Variants in ZDHHC13 observed in about 807,000 individuals in gnomAD.
ZDHHC13 encodes the protein palmitoyltransferase ZDHHC13.
Under a neutral mutation model 86.0 loss-of-function variants are expected in ZDHHC13, and 85 were observed. The observed-to-expected ratio is 0.99, with a 90% CI of 0.83 to 1.18. ZDHHC13 has a LOEUF of 1.18. ZDHHC13 is among the 50% of genes most tolerant of loss of function. ZDHHC13 has a pLI of 0.00. For synonymous variants in ZDHHC13, 263 were observed against 246.4 expected (o/e 1.07, Z -0.63); for missense variants, 711 against 730.2 (o/e 0.97, Z 0.30).
At chr11:19,135,264 C>T (rs1460657489) in intron 1 of ZDHHC13, among the ~76,000 whole-genome samples, 1 of 152,226 alleles carries the variant, frequency 6.6e-6, no homozygotes, top group African/African-American at 2.4e-5. Flanking sequence ...ACTTGGGAAG[C>T]ACAAGGGGTC....
intron 8 of ZDHHC13, among the ~76,000 whole-genome samples, chr11:19,153,385 T>C (rs1245554322): frequency 6.6e-6 from 1 of 152,224 alleles, no homozygotes; most frequent in Non-Finnish European, 1.5e-5. Context: ...CCACTGTTTC[T>C]AGTGTTTTCA....
intron 8 of ZDHHC13, among the ~76,000 whole-genome samples, chr11:19,154,378 A>G (rs1219695395): frequency 6.6e-6 from 1 of 152,150 alleles, no homozygotes; most frequent in African/African-American, 2.4e-5. Flanking sequence ...CTAAATTTAC[A>G]TTAAAAAAAA....
intron 1 of ZDHHC13, among the ~76,000 whole-genome samples, chr11:19,128,780 T>C (rs1423760471): frequency 1.3e-5 from 2 of 152,212 alleles, no homozygotes; most frequent in Non-Finnish European, 2.9e-5. Context: ...ACTTTATTGA[T>C]GGTAAAAAGC....
Position 19,146,258 on chromosome 11 carries a change from C to T in ZDHHC13, c.251C>T (p.Ser84Leu), listed in dbSNP as rs190566144. The T allele has an allele frequency of 2.5e-4, 398 of 1,612,566 alleles. 3 individuals are homozygous for T. In the East Asian group the frequency reaches 5.6e-3, roughly 23 times the overall value. ...AGGCAACCAGATAAAGAAAATGTGTCGCTTCTTCATTGGGCTGCTATTAAC... is the reference window on the plus strand; with the variant it reads ...AGGCAACCAGATAAAGAAAATGTGTTGCTTCTTCATTGGGCTGCTATTAAC... ...DVRQPDKENV[S>L]LLHWAAINNR... Residue 84 changes from serine (S) to leucine (L), a missense_variant, in exon 3 of 17, where the codon TCG becomes TTG. By Grantham distance (145) the Ser-to-Leu change is moderately radical (BLOSUM62 -2). Coordinates refer to ENST00000446113, the MANE Select transcript of ZDHHC13 (RefSeq NM_019028.3).
At chr11:19,128,356 T>C (rs1848920592) in intron 1 of ZDHHC13, among the ~76,000 whole-genome samples, 1 of 152,168 alleles carries the variant, frequency 6.6e-6, no homozygotes, top group Non-Finnish European at 1.5e-5. Flanking sequence ...GGGCCAATAC[T>C]ATAGGGTTTT....
intron 1 of ZDHHC13, among the ~76,000 whole-genome samples, chr11:19,134,163 T>G (rs1351030056): frequency 6.6e-6 from 1 of 151,936 alleles, no homozygotes; most frequent in East Asian, 1.9e-4. Context: ...AAAATCAGCT[T>G]TTTAAAAATT....
chr11:19,119,343 G>C (rs1429666359), intron 1 of ZDHHC13, among the ~76,000 whole-genome samples: 1 of 152,164 alleles, frequency 6.6e-6, no homozygotes, highest in African/African-American at 2.4e-5. Context: ...CTGACCTTGT[G>C]ATCCGCCCGC....
At chr11:19,138,502 C>G (rs1474294018) in intron 1 of ZDHHC13, among the ~76,000 whole-genome samples, 2 of 151,864 alleles carry the variant, frequency 1.3e-5, no homozygotes, top group African/African-American at 4.9e-5. Flanking sequence ...GAACTGGTAC[C>G]ATTCCTTCTG....
At chr11:19,133,305 A>G (rs1199394086) in intron 1 of ZDHHC13, among the ~76,000 whole-genome samples, 1 of 152,036 alleles carries the variant, frequency 6.6e-6, no homozygotes, top group Non-Finnish European at 1.5e-5. Context: ...GCATATCTTC[A>G]AAGCCAACAG....
chr11:19,141,189 A>G (rs990413445), intron 1 of ZDHHC13, among the ~76,000 whole-genome samples: 1 of 152,088 alleles, frequency 6.6e-6, no homozygotes, highest in African/African-American at 2.4e-5. Flanking sequence ...ACAGGAATCT[A>G]TTTCTACTTG....
At chr11:19,125,771 G>C (rs59393175) in intron 1 of ZDHHC13, among the ~76,000 whole-genome samples, 34,255 of 152,120 alleles carry the variant, frequency 0.23, 4,853 homozygotes, top group African/African-American at 0.4. Context: ...AGGAATTATT[G>C]ATAACATACA....
intron 10 of ZDHHC13, among the ~76,000 whole-genome samples, chr11:19,159,740 C>G (rs1849858471): frequency 1.3e-5 from 2 of 151,920 alleles, no homozygotes; most frequent in Admixed American, 1.3e-4. Context: ...GGCCCAGGAC[C>G]AAGTCCAGCT....
At chr11:19,132,374 G>C (rs1022410599) in intron 1 of ZDHHC13, among the ~76,000 whole-genome samples, 1 of 152,108 alleles carries the variant, frequency 6.6e-6, no homozygotes, top group Admixed American at 6.5e-5. Flanking sequence ...AATAACCCAA[G>C]GGATCATCAA....
intron 1 of ZDHHC13, among the ~76,000 whole-genome samples, chr11:19,136,070 A>G (rs1219407158): frequency 7.2e-5 from 11 of 152,212 alleles, no homozygotes; most frequent in Admixed American, 5.2e-4. Flanking sequence ...AAAGCTGGAC[A>G]GAGAATGACT....
intron 1 of ZDHHC13, among the ~76,000 whole-genome samples, chr11:19,137,468 G>T (rs1195556740): frequency 5.9e-5 from 9 of 151,550 alleles, no homozygotes; most frequent in Non-Finnish European, 8.8e-5. Context: ...ATTAATAATG[G>T]GAGACTTTAA....
At chr11:19,137,863 C>G (rs376951255) in intron 1 of ZDHHC13, among the ~76,000 whole-genome samples, 1 of 150,822 alleles carries the variant, frequency 6.6e-6, no homozygotes, top group Non-Finnish European at 1.5e-5. Context: ...TTGAAACCAA[C>G]GAGAACAAAG....
chr11:19,173,388 G>A (rs562742574), intron 16 of ZDHHC13, among the ~76,000 whole-genome samples: 7 of 152,278 alleles, frequency 4.6e-5, no homozygotes, highest in African/African-American at 1.4e-4. Context: ...AAAGACCTTC[G>A]TCTTACGATA....
At chr11:19,145,914 T>C (rs938376016) in intron 2 of ZDHHC13, among the ~76,000 whole-genome samples, 6 of 152,196 alleles carry the variant, frequency 3.9e-5, no homozygotes, top group African/African-American at 1.2e-4. Flanking sequence ...TGAAACTTAT[T>C]GAAGGAAGGC....
At chr11:19,123,894 T>C (rs1374380912) in intron 1 of ZDHHC13, among the ~76,000 whole-genome samples, 1 of 152,190 alleles carries the variant, frequency 6.6e-6, no homozygotes, top group Non-Finnish European at 1.5e-5. Flanking sequence ...AAAAGATTGA[T>C]AATATTCAGT....
Sources: gnomAD v4.1 joint callset for allele counts (sites outside exome capture counted in the v4.1 genomes callset) on GRCh38, gnomAD v4.1.1 for gene constraint, MANE v1.5 for transcripts, NCBI Gene and HGNC (gene_info 2026-07-23, HGNC 2026-07-21) for gene names.